Variants in SP4 observed in about 807,000 individuals in gnomAD.
The protein encoded by SP4 is Sp4 transcription factor.
In SP4, 19 loss-of-function variants were observed where a neutral mutation model predicts 72.8. The ratio of observed to expected loss-of-function variants is 0.26; its 90% confidence interval spans 0.18 to 0.38. SP4 has a LOEUF of 0.38. Among genes scored for constraint, SP4 ranks in the 10% least tolerant of loss-of-function variants. The pLI is 1.00. For missense variants in SP4, 1,008 were observed against 926.3 expected, an observed-to-expected ratio of 1.09 and a Z score of -1.14; for synonymous variants, 395 against 333.1, an observed-to-expected ratio of 1.19 and a Z score of -2.02.
chr7:21,487,513 A>G (rs558651500), intron 5 of SP4, among the ~76,000 whole-genome samples: 9 of 145,132 alleles, frequency 6.2e-5, no homozygotes, highest in African/African-American at 1.8e-4. Flanking sequence ...AGATATTTCT[A>G]TTGAATTGCA....
chr7:21,478,182 A>C (rs919947648), intron 4 of SP4, among the ~76,000 whole-genome samples: 1 of 152,192 alleles, frequency 6.6e-6, no homozygotes, highest in Non-Finnish European at 1.5e-5. Flanking sequence ...ACCATATTAC[A>C]GTATGATCAA....
At chr7:21,498,061 G>GAAAATTA (rs59606102) in intron 5 of SP4, among the ~76,000 whole-genome samples, 3,269 of 152,054 alleles carry the variant, frequency 0.021, 118 homozygotes, top group African/African-American at 0.074. Context: ...TCTACTTAAA[G>GAAAATTA]AAAATTAAAG....
chr7:21,491,266 A>G (rs1364511287), intron 5 of SP4, among the ~76,000 whole-genome samples: 1 of 152,210 alleles, frequency 6.6e-6, no homozygotes, highest in African/African-American at 2.4e-5. Flanking sequence ...AAAATACAAT[A>G]TTAAAAGTAA....
At chr7:21,502,165 G>A in intron 5 of SP4, among the ~76,000 whole-genome samples, 1 of 151,826 alleles carries the variant, frequency 6.6e-6, no homozygotes, top group South Asian at 2.1e-4. Flanking sequence ...AGGATGAAGG[G>A]AATGGCCAAC....
rs571032070 is a variant in SP4, at chr7:21,511,463, T to G, written c.*194T>G. On this transcript the variant is annotated 3_prime_UTR_variant, in exon 6 of 6. Transcript: ENST00000222584. ...AAATACAAAAAGCAGACTGATGTAC[T>G]GGAAACAGAAAAGTATTTCCTCCAT... 5.4e-6 allele frequency: 3 copies of G among 559,990 alleles called. No homozygotes were observed. In the African/African-American group the frequency reaches 5.6e-5, roughly 10 times the overall value. 34.7% of individuals were successfully genotyped at this position (559,990 alleles called of 1,614,324 possible).
At chr7:21,447,690 A>G (rs1292908664) in intron 3 of SP4, among the ~76,000 whole-genome samples, 1 of 152,172 alleles carries the variant, frequency 6.6e-6, no homozygotes, top group African/African-American at 2.4e-5. Flanking sequence ...TTGGGAAGAA[A>G]GTACTTTTTT....
intron 3 of SP4, among the ~76,000 whole-genome samples, chr7:21,446,731 T>G (rs77995803): frequency 0.044 from 6,727 of 152,304 alleles, 172 homozygotes; most frequent in Non-Finnish European, 0.056. Flanking sequence ...AAATACTATT[T>G]ACTAATATTG....
At chr7:21,509,713 G>A (rs976900271) in intron 5 of SP4, among the ~76,000 whole-genome samples, 5 of 152,264 alleles carry the variant, frequency 3.3e-5, no homozygotes, top group African/African-American at 9.6e-5. Context: ...TAAAGAAAAA[G>A]AGAGAATATC....
chr7:21,446,328 ATT>A (rs1354396721), intron 3 of SP4, among the ~76,000 whole-genome samples: 1 of 152,174 alleles, frequency 6.6e-6, no homozygotes, highest in Admixed American at 6.5e-5. Context: ...TTTAAAAATG[ATT>A]CTTTGGCAGC....
At chr7:21,477,470 A>G (rs376958031) in intron 4 of SP4, among the ~76,000 whole-genome samples, 163 bp downstream of exon 4, 132 of 152,352 alleles carry the variant, frequency 8.7e-4, no homozygotes, top group Middle Eastern at 3.4e-3. Context: ...TATTTTAGGA[A>G]TGAAATTTGA....
chr7:21,469,415 C>T (rs534800114), intron 3 of SP4, among the ~76,000 whole-genome samples: 1 of 151,894 alleles, frequency 6.6e-6, no homozygotes, highest in South Asian at 2.1e-4. Context: ...ATGCTTTGTT[C>T]TTAAAATCAG....
intron 3 of SP4, among the ~76,000 whole-genome samples, chr7:21,452,452 A>G (rs1419564930): frequency 6.6e-6 from 1 of 152,186 alleles, no homozygotes; most frequent in Non-Finnish European, 1.5e-5. Flanking sequence ...TGGGCCTGTC[A>G]AAAGTGACAT....
intron 3 of SP4, among the ~76,000 whole-genome samples, chr7:21,433,444 TAC>T (rs947643312): frequency 1.2e-4 from 19 of 152,340 alleles, no homozygotes; most frequent in African/African-American, 4.3e-4. Flanking sequence ...TGCAAGTCAA[TAC>T]AGTTAATCTA....
In SP4 at chr7:21,428,720, G is replaced by T. The variant is rs1165349382; in HGVS notation, c.51G>T (p.Ala17=). Residue 17 remains alanine, a synonymous_variant, in exon 2 of 6, where the codon GCG becomes GCT. Transcript: ENST00000222584. Reference sequence around the variant, plus strand: ...AGGAGGAGGCGGCAGCGGCAGCGGCGATGGCTACAGAAGGAGGGAAAACCT... The same window carrying T: ...AGGAGGAGGCGGCAGCGGCAGCGGCTATGGCTACAGAAGGAGGGAAAACCT... ...EEEEEAAAAA[A]MATEGGKTSE... The T allele has an allele frequency of 2.6e-5, 41 of 1,554,534 alleles. No homozygotes were observed. The highest frequency in any genetic ancestry group is 3.5e-5 in the Non-Finnish European group (40 of 1,148,728).
At chr7:21,498,826 C>T (rs1385646889) in intron 5 of SP4, among the ~76,000 whole-genome samples, 4 of 152,108 alleles carry the variant, frequency 2.6e-5, no homozygotes, top group African/African-American at 9.7e-5. Flanking sequence ...TGGCTCACGC[C>T]TGTAATCCCA....
chr7:21,429,948 T>A lies in SP4; in HGVS notation c.783T>A (p.Ile261=). 6.2e-7 allele frequency: 1 copy of A among 1,614,170 alleles called. No homozygotes were observed. The highest frequency in any genetic ancestry group is 8.5e-7 in the Non-Finnish European group (1 of 1,180,034). The change falls in exon 3 of 6, where the codon ATT becomes ATA. Residue 261 remains isoleucine (I), a synonymous_variant. Transcript: ENST00000222584. ...TTGTAACAACCCTACCAATTAACAT[T>A]GGAGGAGTGACTCTAGCTTTGCCAG... ...AQVVTTLPIN[I]GGVTLALPVI...
At chr7:21,461,868 G>C (rs1287107533) in intron 3 of SP4, among the ~76,000 whole-genome samples, 1 of 152,162 alleles carries the variant, frequency 6.6e-6, no homozygotes, top group African/African-American at 2.4e-5. Context: ...TGGAGACTTT[G>C]AGGAGAATGT....
chr7:21,502,788 G>A (rs1157733892), intron 5 of SP4, among the ~76,000 whole-genome samples: 11 of 152,160 alleles, frequency 7.2e-5, no homozygotes, highest in Non-Finnish European at 1.3e-4. Context: ...GACACTTGGG[G>A]GGTTGAGTTT....
At chr7:21,476,969 C>T (rs1784517257) in intron 3 of SP4, 110 bp from the exon 4 acceptor site, 2 of 745,876 alleles carry the variant, frequency 2.7e-6, no homozygotes, top group Non-Finnish European at 4.3e-6. Flanking sequence ...AGTTTTTGTA[C>T]TTTACACAGA....
Sources: allele counts gnomAD v4.1 joint callset (sites outside exome capture counted in the v4.1 genomes callset), GRCh38; gene constraint gnomAD v4.1.1; transcripts MANE v1.5; gene names NCBI Gene and HGNC (gene_info 2026-07-23, HGNC 2026-07-21).